MVB12B: variants seen among roughly 807,000 people sequenced by gnomAD.
MVB12B encodes the protein multivesicular body subunit 12B, also known as ESCRT-I complex subunit MVB12B.
MVB12B carries 16 observed loss-of-function variants against 41.6 expected under a neutral mutation model. That is an observed-to-expected ratio of 0.38 (90% CI 0.26 to 0.58). The LOEUF is 0.58. MVB12B is among the 20% of genes least tolerant of loss of function. MVB12B has a pLI of 0.62. For missense variants in MVB12B, 274 were observed against 380.2 expected, an observed-to-expected ratio of 0.72 and a Z score of 2.32; for synonymous variants, 133 against 139.7, an observed-to-expected ratio of 0.95 and a Z score of 0.34.
intron 7 of MVB12B, among the ~76,000 whole-genome samples, chr9:126,458,234 C>G (rs1013170952): frequency 6.6e-6 from 1 of 152,190 alleles, no homozygotes; most frequent in African/African-American, 2.4e-5. Context: ...AGCGGGTAAA[C>G]GTCTCTGTGC....
At chr9:126,488,730 G>A (rs1240753541) in intron 9 of MVB12B, among the ~76,000 whole-genome samples, 2 of 152,206 alleles carry the variant, frequency 1.3e-5, no homozygotes, top group African/African-American at 4.8e-5. Context: ...AAATAGAAGT[G>A]TGAGCCCTGA....
intron 7 of MVB12B, among the ~76,000 whole-genome samples, chr9:126,466,340 G>T (rs1247628217): frequency 1.3e-5 from 2 of 152,164 alleles, no homozygotes; most frequent in Non-Finnish European, 2.9e-5. Context: ...CAAAGCCAGG[G>T]AAGTCTAACC....
At chr9:126,464,553 T>G (rs1833160332) in intron 7 of MVB12B, among the ~76,000 whole-genome samples, 1 of 152,170 alleles carries the variant, frequency 6.6e-6, no homozygotes, top group Non-Finnish European at 1.5e-5. Context: ...GAAAGAGAAC[T>G]CCAGTGATAT....
At chr9:126,419,169 C>G (rs1489870025) in intron 6 of MVB12B, among the ~76,000 whole-genome samples, 1 of 152,182 alleles carries the variant, frequency 6.6e-6, no homozygotes, top group Non-Finnish European at 1.5e-5. Context: ...CCGCACTGCA[C>G]AAATCGCTCT....
intron 2 of MVB12B, among the ~76,000 whole-genome samples, chr9:126,352,671 T>C (rs1448506690): frequency 6.6e-6 from 1 of 152,206 alleles, no homozygotes; most frequent in Admixed American, 6.5e-5. Context: ...TTCAGAGTCT[T>C]CTGGTGTTTG....
At chr9:126,439,622 A>G (rs1266711398) in intron 7 of MVB12B, among the ~76,000 whole-genome samples, 1 of 152,206 alleles carries the variant, frequency 6.6e-6, no homozygotes, top group Admixed American at 6.5e-5. Flanking sequence ...TACCAACTCA[A>G]TTCTGTATTC....
intron 2 of MVB12B, among the ~76,000 whole-genome samples, chr9:126,363,340 A>G (rs114829968): frequency 0.025 from 3,865 of 152,298 alleles, 147 homozygotes; most frequent in African/African-American, 0.088. Context: ...AGGTATGTAT[A>G]TGATGGGAAA....
At chr9:126,385,002 C>G (rs1195991661) in intron 3 of MVB12B, among the ~76,000 whole-genome samples, 1 of 151,818 alleles carries the variant, frequency 6.6e-6, no homozygotes, top group Non-Finnish European at 1.5e-5. Flanking sequence ...CCACACCCAG[C>G]CAATTTTTTT....
intron 6 of MVB12B, chr9:126,397,112 G>A: frequency 1.0e-6 from 1 of 985,548 alleles, no homozygotes; most frequent in Non-Finnish European, 1.2e-6. Context: ...AGCAGCTCAA[G>A]TGTGGGCTCC....
intron 7 of MVB12B, among the ~76,000 whole-genome samples, chr9:126,427,740 GCAAAGC>G (rs1239560301): frequency 6.6e-6 from 1 of 152,178 alleles, no homozygotes; most frequent in East Asian, 1.9e-4. Flanking sequence ...CAGAAACTCT[GCAAAGC>G]CACACAGTGC....
chr9:126,497,042 A>G (rs3928392), intron 9 of MVB12B, among the ~76,000 whole-genome samples: 39,883 of 152,056 alleles, frequency 0.26, 6,418 homozygotes, highest in African/African-American at 0.46. Context: ...AGAGAGGAAG[A>G]GACTGGACTG....
In MVB12B at chr9:126,392,540, C is replaced by T. The variant is rs999553556; in HGVS notation, c.539+345C>T. ...GGTCACAGGGACCTATTTTGTACCA[C>T]GGGGCCAAGGCCACTGGATGTGGAT... On this transcript the variant is annotated intron_variant, in intron 5 of 9. Coordinates refer to ENST00000361171, the MANE Select transcript of MVB12B (RefSeq NM_033446.3). This position sits in a 1 kb window ranked among gnomAD's most constrained non-coding sequence, Gnocchi z 4.8. 1.5e-4 allele frequency among the ~76,000 whole-genome samples: 23 copies of T among 152,342 alleles called. No homozygotes were observed. The highest frequency in any genetic ancestry group is 2.1e-4 in the South Asian group (1 of 4,826).
intron 2 of MVB12B, among the ~76,000 whole-genome samples, chr9:126,366,837 C>G (rs1378713991): frequency 6.6e-6 from 1 of 152,178 alleles, no homozygotes; most frequent in African/African-American, 2.4e-5. Context: ...AGCCTGTGCT[C>G]TCCGTAGCAC....
At chr9:126,347,966 C>T (rs1048135241) in intron 2 of MVB12B, among the ~76,000 whole-genome samples, 2 of 152,180 alleles carry the variant, frequency 1.3e-5, no homozygotes, top group Non-Finnish European at 2.9e-5. Context: ...AGTTAGTTGC[C>T]CCTCCTGGAA....
At position 126,459,788 on chromosome 9, in the gene MVB12B, T is replaced by A. The variant is rs187178875; in HGVS notation, c.758-21581T>A. Among the ~76,000 whole-genome samples the A allele has an allele frequency of 6.6e-6, 1 of 152,236 alleles. No homozygotes were observed. Among genetic ancestry groups the A allele is most frequent in the East Asian group, 1.9e-4 (1 of 5,166 alleles). On this transcript the variant is annotated intron_variant, in intron 7 of 9. Transcript: ENST00000361171. The surrounding 1 kb of genome is among the most constrained non-coding windows in gnomAD (Gnocchi z 4.3). ...CTTGCCTGCCCCGCTCACTTGGACCTGCCACTCTCCCACAGGGGCCGCTTG... is the reference window on the plus strand; with the variant it reads ...CTTGCCTGCCCCGCTCACTTGGACCAGCCACTCTCCCACAGGGGCCGCTTG...
intron 7 of MVB12B, among the ~76,000 whole-genome samples, chr9:126,461,667 T>G (rs989646606): frequency 1.3e-5 from 2 of 151,962 alleles, no homozygotes; most frequent in Non-Finnish European, 2.9e-5. Flanking sequence ...AAATCCAAGT[T>G]TAAAAAAAAA....
intron 7 of MVB12B, among the ~76,000 whole-genome samples, chr9:126,457,017 C>T (rs1832997675): frequency 6.6e-6 from 1 of 152,226 alleles, no homozygotes; most frequent in Non-Finnish European, 1.5e-5. Flanking sequence ...CTTCAGCTCT[C>T]ACCAGAGTTT....
chr9:126,444,060 C>T (rs1832708081), intron 7 of MVB12B, among the ~76,000 whole-genome samples: 1 of 152,126 alleles, frequency 6.6e-6, no homozygotes, highest in Non-Finnish European at 1.5e-5. Context: ...GCTTTGAGAC[C>T]TGTTCATGTA....
chr9:126,474,200 C>A (rs1409211083), intron 7 of MVB12B, among the ~76,000 whole-genome samples: 1 of 152,212 alleles, frequency 6.6e-6, no homozygotes, highest in Admixed American at 6.5e-5. Context: ...TCGTTCCCAG[C>A]TCTGCCTCCA....
Sources: allele counts gnomAD v4.1 joint callset (sites outside exome capture counted in the v4.1 genomes callset), GRCh38; gene constraint gnomAD v4.1.1; non-coding constraint Gnocchi (gnomAD v3.1); transcripts MANE v1.5; gene names NCBI Gene and HGNC (gene_info 2026-07-23, HGNC 2026-07-21).